AGTPBP1: variants seen among roughly 807,000 people sequenced by gnomAD.
AGTPBP1 encodes cytosolic carboxypeptidase 1.
A neutral mutation model predicts 143.9 loss-of-function variants in AGTPBP1; 70 were observed. The ratio of observed to expected loss-of-function variants is 0.49; its 90% confidence interval spans 0.40 to 0.59. The LOEUF is 0.59. AGTPBP1 is among the 20% of genes least tolerant of loss of function. The pLI is 0.00. For synonymous variants in AGTPBP1, 463 were observed against 500.2 expected, an observed-to-expected ratio of 0.93 and a Z score of 0.99; for missense variants, 1,229 against 1,464.5, an observed-to-expected ratio of 0.84 and a Z score of 2.62.
chr9:85,577,108 C>T (rs984448149), intron 24 of AGTPBP1, among the ~76,000 whole-genome samples: 2 of 151,886 alleles, frequency 1.3e-5, no homozygotes, highest in African/African-American at 4.8e-5. Context: ...AAATAGAAAT[C>T]GAAAAAAATT....
chr9:85,727,319 A>G (rs769663139), intron 1 of AGTPBP1, among the ~76,000 whole-genome samples: 9 of 152,086 alleles, frequency 5.9e-5, no homozygotes, highest in African/African-American at 4.8e-5. Context: ...AGAGGGGGAC[A>G]TCGTCTCAAA....
At position 85,620,318 on chromosome 9, in the gene AGTPBP1, G is replaced by A. The variant is rs1830845385; in HGVS notation, c.2099+884C>T. Among the ~76,000 whole-genome samples, 3 of 151,672 alleles carry A rather than the reference G, an allele frequency of 2.0e-5. No homozygotes were observed. The South Asian group carries it at 6.2e-4, about 32-fold the overall frequency. On this transcript the variant is annotated intron_variant, in intron 15 of 25. Transcript: ENST00000357081. ...AGTCCCAGCTACTCAGGAGGCTGAG[G>A]CAGGAGAATCACTTAAGCCCAAGAG...
the AGTPBP1 span, among the ~76,000 whole-genome samples, chr9:85,787,567 G>C: frequency 6.6e-6 from 1 of 151,890 alleles, no homozygotes; most frequent in Non-Finnish European, 1.5e-5. Context: ...AGTTTTTCTG[G>C]TCAAAATTTT....
intron 1 of AGTPBP1, among the ~76,000 whole-genome samples, chr9:85,739,422 G>A (rs1184276326): frequency 6.6e-6 from 1 of 152,152 alleles, no homozygotes; most frequent in African/African-American, 2.4e-5. Context: ...AAAAAATTCA[G>A]GCCAGGACGG....
At chr9:85,741,982 G>T, upstream of AGTPBP1, 1 of 1,226,688 alleles carries the variant, frequency 8.2e-7, no homozygotes, top group Non-Finnish European at 1.0e-6. Context: ...CGTCAGCGCG[G>T]CGCCCCGCCC....
chr9:85,615,140 A>G (rs1238169120), intron 17 of AGTPBP1, among the ~76,000 whole-genome samples: 1 of 152,160 alleles, frequency 6.6e-6, no homozygotes, highest in Non-Finnish European at 1.5e-5. Flanking sequence ...TTAAATCCCA[A>G]TTCACAGAAA....
chr9:85,719,740 G>C (rs1837975053), intron 1 of AGTPBP1, among the ~76,000 whole-genome samples: 2 of 152,150 alleles, frequency 1.3e-5, no homozygotes, highest in African/African-American at 4.8e-5. Flanking sequence ...TCTTGTGCCA[G>C]TTTTCAAAGG....
intron 11 of AGTPBP1, among the ~76,000 whole-genome samples, chr9:85,652,607 C>A (rs1345030554): frequency 2.0e-5 from 3 of 152,098 alleles, no homozygotes; most frequent in Non-Finnish European, 2.9e-5. Context: ...GCATGGAAGC[C>A]CCACACCCCT....
intron 25 of AGTPBP1, among the ~76,000 whole-genome samples, chr9:85,562,367 A>G (rs1564011123): frequency 6.6e-6 from 1 of 152,216 alleles, no homozygotes; most frequent in Non-Finnish European, 1.5e-5. Flanking sequence ...TATTCTGCTT[A>G]AAAGACATAT....
chr9:85,736,453 C>A (rs1447575050), intron 1 of AGTPBP1, among the ~76,000 whole-genome samples: 2 of 152,072 alleles, frequency 1.3e-5, no homozygotes. Context: ...CCTGGCTATT[C>A]GAAAGTATAT....
intron 2 of AGTPBP1, among the ~76,000 whole-genome samples, chr9:85,697,418 T>C (rs1479421849): frequency 6.7e-6 from 1 of 149,948 alleles, no homozygotes; most frequent in African/African-American, 2.5e-5. Flanking sequence ...TGTAATATGA[T>C]AAATTATGGG....
At chr9:85,723,680 G>A (rs564035578) in intron 1 of AGTPBP1, among the ~76,000 whole-genome samples, 2 of 152,206 alleles carry the variant, frequency 1.3e-5, no homozygotes, top group South Asian at 2.1e-4. Context: ...CTTGCCCTCC[G>A]TGGGCTGCAC....
At chr9:85,550,253 T>C (rs980304151) in intron 25 of AGTPBP1, among the ~76,000 whole-genome samples, 26 of 151,792 alleles carry the variant, frequency 1.7e-4, no homozygotes, top group Admixed American at 1.3e-3. Context: ...GCTAGGGGAA[T>C]AAATACTGAG....
intron 1 of AGTPBP1, among the ~76,000 whole-genome samples, chr9:85,726,107 A>G (rs999937985): frequency 4.0e-5 from 6 of 148,734 alleles, no homozygotes; most frequent in East Asian, 4.0e-4. Context: ...GCATGCACCT[A>G]TGGTCCCAGC....
intron 14 of AGTPBP1, among the ~76,000 whole-genome samples, chr9:85,627,295 A>G (rs957028222): frequency 6.6e-6 from 1 of 152,052 alleles, no homozygotes; most frequent in African/African-American, 2.4e-5. Flanking sequence ...TAAGTCTAAA[A>G]CTTGCTTTTC....
intron 18 of AGTPBP1, among the ~76,000 whole-genome samples, chr9:85,593,623 A>G (rs908540316): frequency 1.3e-5 from 2 of 152,212 alleles, no homozygotes; most frequent in African/African-American, 2.4e-5. Context: ...GTATGTAAGT[A>G]TGTACAGATA....
the AGTPBP1 span, among the ~76,000 whole-genome samples, chr9:85,762,499 TTCTCAGCAAAGTA>T: frequency 1.3e-5 from 2 of 152,070 alleles, no homozygotes; most frequent in Non-Finnish European, 2.9e-5. Context: ...GAAACCATCA[TTCTCAGCAAAGTA>T]TTGCAAGGAC....
chr9:85,597,119 TAG>T (rs1304315937), intron 17 of AGTPBP1, among the ~76,000 whole-genome samples: 8 of 152,124 alleles, frequency 5.3e-5, no homozygotes, highest in Non-Finnish European at 1.0e-4. Context: ...AACTTAAGGA[TAG>T]AGTCATTTTT....
At chr9:85,688,638 T>C (rs1303327687) in intron 3 of AGTPBP1, among the ~76,000 whole-genome samples, 1 of 152,138 alleles carries the variant, frequency 6.6e-6, no homozygotes, top group Non-Finnish European at 1.5e-5. Context: ...AATTAACCAT[T>C]TGCATGAAAG....
Sources: gnomAD v4.1 joint callset for allele counts (sites outside exome capture counted in the v4.1 genomes callset) on GRCh38, gnomAD v4.1.1 for gene constraint, MANE v1.5 for transcripts, NCBI Gene and HGNC (gene_info 2026-07-23, HGNC 2026-07-21) for gene names.